Variants in INPP4B observed in about 807,000 individuals in gnomAD.
INPP4B encodes inositol polyphosphate-4-phosphatase type II B.
Under a neutral mutation model 122.5 loss-of-function variants are expected in INPP4B, and 55 were observed. That is an observed-to-expected ratio of 0.45 (90% CI 0.36 to 0.56). The LOEUF (loss-of-function observed/expected upper bound fraction) is 0.56, where lower values mean the gene tolerates loss of function less well. INPP4B is among the 20% of genes least tolerant of loss of function. The pLI, the probability that INPP4B is intolerant of heterozygous loss-of-function variation, is 0.00. For missense variants in INPP4B, 1,000 were observed against 1,097.7 expected, an observed-to-expected ratio of 0.91 and a Z score of 1.26; for synonymous variants, 403 against 388.7, an observed-to-expected ratio of 1.04 and a Z score of -0.43.
At chr4:142,276,373 T>C (rs1748395364) in intron 9 of INPP4B, among the ~76,000 whole-genome samples, 1 of 151,832 alleles carries the variant, frequency 6.6e-6, no homozygotes, top group Admixed American at 6.6e-5. Context: ...TCTGTCAAAG[T>C]TTATGGACAC....
intron 2 of INPP4B, among the ~76,000 whole-genome samples, chr4:142,505,189 T>C (rs758082565): frequency 6.6e-6 from 1 of 150,684 alleles, no homozygotes; most frequent in Non-Finnish European, 1.5e-5. Context: ...CAGTGAGCCA[T>C]GATTGTGTCA....
chr4:142,336,597 C>A (rs574306181), intron 7 of INPP4B, among the ~76,000 whole-genome samples: 1 of 152,384 alleles, frequency 6.6e-6, no homozygotes, highest in East Asian at 1.9e-4. Context: ...ATAACACCCC[C>A]TGGGGCTTCG....
At chr4:142,500,476 A>G (rs1823225090) in intron 2 of INPP4B, among the ~76,000 whole-genome samples, 1 of 152,238 alleles carries the variant, frequency 6.6e-6, no homozygotes, top group Non-Finnish European at 1.5e-5. Flanking sequence ...TTTATAACTC[A>G]GGAATGCCTT....
chr4:142,358,051 A>C (rs1784184264), intron 7 of INPP4B, among the ~76,000 whole-genome samples: 1 of 152,050 alleles, frequency 6.6e-6, no homozygotes, highest in South Asian at 2.1e-4. Context: ...GATATTTGAT[A>C]TGTTTCTTAC....
rs1200307131 is a variant in INPP4B, at chr4:142,153,856, T to C, written c.1563+6502A>G. 6.6e-5 allele frequency among the ~76,000 whole-genome samples: 10 copies of C among 152,214 alleles called. No individual in the cohort carries two copies. The South Asian group carries it at 1.0e-3, about 16-fold the overall frequency. ...CTAGAAATTGGCAAGATTTCATGAA[T>C]ATGCATGCACATAAAGATTTCACCT... On this transcript the variant is annotated intron_variant, in intron 17 of 25. Transcript: ENST00000262992.
chr4:142,238,874 G>T (rs1263657083), intron 11 of INPP4B, among the ~76,000 whole-genome samples: 1 of 152,080 alleles, frequency 6.6e-6, no homozygotes, highest in Non-Finnish European at 1.5e-5. Flanking sequence ...AGCAATGAAT[G>T]CCTATGTCAC....
At chr4:142,652,021 C>A (rs1374948657) in intron 2 of INPP4B, among the ~76,000 whole-genome samples, 4 of 152,210 alleles carry the variant, frequency 2.6e-5, no homozygotes, top group African/African-American at 9.6e-5. Flanking sequence ...GCTTATCCAC[C>A]ACTATCAGGT....
At chr4:142,302,911 A>T (rs538883343) in intron 9 of INPP4B, among the ~76,000 whole-genome samples, 1 of 152,308 alleles carries the variant, frequency 6.6e-6, no homozygotes, top group South Asian at 2.1e-4. Context: ...TCCATTTGAG[A>T]TGTTAGGACA....
intron 12 of INPP4B, among the ~76,000 whole-genome samples, chr4:142,234,892 C>G (rs1298491062): frequency 6.6e-6 from 1 of 151,684 alleles, no homozygotes; most frequent in Non-Finnish European, 1.5e-5. Flanking sequence ...ACGGAAATAA[C>G]AAAAGAGATA....
chr4:142,719,048 T>C (rs192058091), intron 2 of INPP4B, among the ~76,000 whole-genome samples: 75 of 152,336 alleles, frequency 4.9e-4, no homozygotes, highest in African/African-American at 1.8e-3. Context: ...AATGTTTTTA[T>C]AATTATCTTT....
chr4:142,331,210 G>C (rs1013454656), intron 7 of INPP4B, among the ~76,000 whole-genome samples: 6 of 152,160 alleles, frequency 3.9e-5, no homozygotes, highest in Non-Finnish European at 5.9e-5. Flanking sequence ...ACCATTCATA[G>C]TGCAAGCAAT....
chr4:142,613,050 A>T (rs925785882), intron 2 of INPP4B, among the ~76,000 whole-genome samples: 1 of 152,148 alleles, frequency 6.6e-6, no homozygotes, highest in African/African-American at 2.4e-5. Flanking sequence ...CCTGCTAATT[A>T]GAATGTGAAT....
intron 23 of INPP4B, among the ~76,000 whole-genome samples, chr4:142,101,437 A>C (rs1468805189): frequency 1.3e-5 from 2 of 152,134 alleles, no homozygotes; most frequent in Non-Finnish European, 2.9e-5. Flanking sequence ...TCGTTAGATA[A>C]AATGTAGTGC....
intron 2 of INPP4B, among the ~76,000 whole-genome samples, chr4:142,593,099 G>A (rs1560840381): frequency 7.2e-6 from 1 of 139,436 alleles, no homozygotes; most frequent in Non-Finnish European, 1.6e-5. Flanking sequence ...GTGAGATCCT[G>A]TTTTTAAAAA....
At chr4:142,382,627 T>C (rs1794591569) in intron 7 of INPP4B, among the ~76,000 whole-genome samples, 1 of 116,904 alleles carries the variant, frequency 8.6e-6, no homozygotes, top group South Asian at 2.3e-4. Context: ...ATATATACTA[T>C]AAATATATAC....
intron 2 of INPP4B, among the ~76,000 whole-genome samples, chr4:142,723,672 G>A (rs2150851365): frequency 6.6e-6 from 1 of 152,152 alleles, no homozygotes; most frequent in African/African-American, 2.4e-5. Context: ...TACACAAAAT[G>A]AATGTGTTAG....
At chr4:142,474,863 T>A (rs76481066) in intron 2 of INPP4B, among the ~76,000 whole-genome samples, 1 of 152,164 alleles carries the variant, frequency 6.6e-6, no homozygotes, top group Non-Finnish European at 1.5e-5. Flanking sequence ...TTACTTTTAC[T>A]TAAATTTGCC....
At chr4:142,376,971 C>T (rs543312691) in intron 7 of INPP4B, among the ~76,000 whole-genome samples, 2 of 152,092 alleles carry the variant, frequency 1.3e-5, no homozygotes, top group Non-Finnish European at 2.9e-5. Context: ...CGAGTTAACA[C>T]TGCTGCAAGT....
At chr4:142,419,135 G>C (rs1027048450) in intron 5 of INPP4B, among the ~76,000 whole-genome samples, 12 of 152,000 alleles carry the variant, frequency 7.9e-5, no homozygotes, top group Admixed American at 7.9e-4. Context: ...ATACCATGGG[G>C]GAATACAATA....
Sources: allele counts gnomAD v4.1 joint callset (sites outside exome capture counted in the v4.1 genomes callset), GRCh38; gene constraint gnomAD v4.1.1; transcripts MANE v1.5; gene names NCBI Gene and HGNC (gene_info 2026-07-23, HGNC 2026-07-21).